CRYBG3: variants seen among roughly 807,000 people sequenced by gnomAD.
CRYBG3 encodes very large A-kinase anchor protein.
CRYBG3 carries 127 observed loss-of-function variants against 244.2 expected under a neutral mutation model. The observed-to-expected ratio is 0.52, with a 90% CI of 0.45 to 0.60. CRYBG3 has a LOEUF of 0.60. Ranked by LOEUF, CRYBG3 falls within the 20% of genes least tolerant of loss-of-function variation. The pLI, the probability that CRYBG3 is intolerant of heterozygous loss-of-function variation, is 0.00. For synonymous variants in CRYBG3, 1,132 were observed against 1,195.8 expected, an observed-to-expected ratio of 0.95 and a Z score of 1.10; for missense variants, 3,325 against 3,442.5, an observed-to-expected ratio of 0.97 and a Z score of 0.85.
In CRYBG3 at chr3:97,944,808, A is replaced by G. The variant is rs1464686728; in HGVS notation, c.*1494A>G. On this transcript the variant is annotated 3_prime_UTR_variant, in exon 22 of 22. Coordinates refer to ENST00000389622, the MANE Select transcript of CRYBG3 (RefSeq NM_153605.4). ...AAAAACCAGTTTAAAATTTTTTCTT[A>G]TTTTAATTGTTTGAAATTTTTCTAG... The G allele has an allele frequency of 6.4e-6, 1 of 156,702 alleles. No individual in the cohort carries two copies. Among genetic ancestry groups the G allele is most frequent in the Non-Finnish European group, 1.4e-5 (1 of 71,080 alleles). 9.7% of individuals were successfully genotyped at this position (156,702 alleles called of 1,614,324 possible).
At chr3:97,838,050 T>G (rs1559713905) in intron 1 of CRYBG3, among the ~76,000 whole-genome samples, 1 of 152,094 alleles carries the variant, frequency 6.6e-6, no homozygotes. Flanking sequence ...GAAGGTGCTT[T>G]CTTACCTCAT....
chr3:97,852,502 A>G (rs1480096826), intron 2 of CRYBG3, among the ~76,000 whole-genome samples: 6 of 152,162 alleles, frequency 3.9e-5, no homozygotes, highest in Non-Finnish European at 4.4e-5. Flanking sequence ...AGTAAAGGAA[A>G]AGAAACAGGG....
chr3:97,908,380 C>A (rs888419010), intron 15 of CRYBG3, among the ~76,000 whole-genome samples: 1 of 152,142 alleles, frequency 6.6e-6, no homozygotes, highest in Non-Finnish European at 1.5e-5. Flanking sequence ...ATGTGGGAGT[C>A]TAAGTCTCTT....
At chr3:97,920,068 C>T (rs1274080993) in intron 17 of CRYBG3, among the ~76,000 whole-genome samples, 2 of 152,118 alleles carry the variant, frequency 1.3e-5, no homozygotes, top group African/African-American at 4.8e-5. Flanking sequence ...CTGCACCGTC[C>T]AGCTGAATTC....
chr3:97,850,652 A>T (rs2038971605), intron 2 of CRYBG3, among the ~76,000 whole-genome samples: 1 of 152,226 alleles, frequency 6.6e-6, no homozygotes, highest in East Asian at 1.9e-4. Flanking sequence ...AATGAAAAGA[A>T]TAACTCTGTG....
chr3:97,943,191 A>G, intron 21 of CRYBG3, 35 bp from the exon 22 acceptor site: 5 of 1,271,244 alleles, frequency 3.9e-6, no homozygotes, highest in Non-Finnish European at 5.7e-6. Flanking sequence ...ACCTGCCTGA[A>G]CAAATAATCT....
intron 2 of CRYBG3, among the ~76,000 whole-genome samples, chr3:97,852,000 A>T (rs2038993225): frequency 6.6e-6 from 1 of 152,326 alleles, no homozygotes; most frequent in East Asian, 1.9e-4. Context: ...TTATAGAAGA[A>T]GGAAGAAAGG....
At chr3:97,827,388 A>G (rs1160179524) in intron 1 of CRYBG3, among the ~76,000 whole-genome samples, 3 of 152,302 alleles carry the variant, frequency 2.0e-5, no homozygotes, top group Non-Finnish European at 4.4e-5. Flanking sequence ...GCTGTTAGAG[A>G]ACAAATCGAA....
At chr3:97,894,112 C>CT (rs2039612621) in intron 11 of CRYBG3, among the ~76,000 whole-genome samples, 1 of 152,086 alleles carries the variant, frequency 6.6e-6, no homozygotes, top group Non-Finnish European at 1.5e-5. Flanking sequence ...GGTTTGTGAA[C>CT]ACACATGTTT....
chr3:97,877,631 C>T lies in CRYBG3; in HGVS notation c.6437C>T (p.Ala2146Val). ...MNFDEDDREA[A>V]DEEEEEEEAA... is the part of the protein sequence containing the mutation. ...TTTGATGAAGATGACAGAGAGGCAGCTGATGAGGAAGAAGAGGAGGAGGAG... is the reference window on the plus strand; with the variant it reads ...TTTGATGAAGATGACAGAGAGGCAGTTGATGAGGAAGAAGAGGAGGAGGAG... The change falls in exon 4 of 22, where the codon GCT becomes GTT. Residue 2146 changes from alanine to valine, a missense_variant. Physicochemically the swap from Ala to Val is moderately conservative, Grantham distance 64. Coordinates refer to ENST00000389622, the MANE Select transcript of CRYBG3 (RefSeq NM_153605.4). 1 of 1,614,014 alleles carries T rather than the reference C, an allele frequency of 6.2e-7. No individual in the cohort carries two copies. The highest frequency in any genetic ancestry group is 1.1e-5 in the South Asian group (1 of 91,068).
chr3:97,853,874 GGTTCTTAGTGATGAACTCTCTGCCTAA>G (rs1020094223), intron 2 of CRYBG3, among the ~76,000 whole-genome samples: 3 of 151,862 alleles, frequency 2.0e-5, no homozygotes, highest in African/African-American at 4.8e-5. Context: ...TTTGCTTTTG[GGTTCTTAGTGATGAACTCTCTGCCTAA>G]GTCAATGTCT....
Position 97,874,744 on chromosome 3 carries a change from A to AGAGC in CRYBG3, c.3551_3554dup (p.His1186SerfsTer3). Reference sequence around the variant, plus strand: ...TGCTGAGCACATAGAAGCCAGGAGAAGAGCACATGACCAACTTTTGGACCT... The same window carrying AGAGC: ...TGCTGAGCACATAGAAGCCAGGAGAAGAGCGAGCACATGACCAACTTTTGGACCT... On this transcript the variant is annotated frameshift_variant, in exon 4 of 22. Coordinates refer to ENST00000389622, the MANE Select transcript of CRYBG3 (RefSeq NM_153605.4). LOFTEE classifies it high-confidence loss of function. The AGAGC allele has an allele frequency of 1.3e-6, 2 of 1,535,964 alleles. No individual in the cohort carries two copies. Among genetic ancestry groups the AGAGC allele is most frequent in the Non-Finnish European group, 1.7e-6 (2 of 1,146,846 alleles).
At chr3:97,910,486 A>G (rs964739026) in intron 15 of CRYBG3, among the ~76,000 whole-genome samples, 4 of 152,206 alleles carry the variant, frequency 2.6e-5, no homozygotes, top group African/African-American at 9.6e-5. Flanking sequence ...AAAGTGCAGT[A>G]TTAGGGTGGG....
At chr3:97,909,120 G>A (rs2039829654) in intron 15 of CRYBG3, among the ~76,000 whole-genome samples, 1 of 152,182 alleles carries the variant, frequency 6.6e-6, no homozygotes, top group African/African-American at 2.4e-5. Context: ...GAGATCCTCT[G>A]TTAGTCTGAT....
intron 16 of CRYBG3, among the ~76,000 whole-genome samples, chr3:97,915,084 C>T (rs1337378565): frequency 6.6e-6 from 1 of 152,140 alleles, no homozygotes; most frequent in East Asian, 1.9e-4. Flanking sequence ...ATTTTTAAAA[C>T]AATCTGTCTT....
At chr3:97,867,004 G>A (rs1310616231) in intron 3 of CRYBG3, 1 of 152,148 alleles carries the variant, frequency 6.6e-6, no homozygotes, top group African/African-American at 2.4e-5. Flanking sequence ...CCTGACAACT[G>A]TCAATATGCC....
rs542060094 is a variant in CRYBG3, at chr3:97,844,335, A to G, written c.216+1074A>G. On this transcript the variant is annotated intron_variant, in intron 2 of 21. Transcript: ENST00000389622. ...ACCCAGCCTGCTGGTTTACCATTGT[A>G]TGGGCTCTATAGCTGCTGCTGATTT... Among the ~76,000 whole-genome samples the G allele has an allele frequency of 4.6e-5, 7 of 152,154 alleles. No individual in the cohort carries two copies. The East Asian group carries it at 7.8e-4, about 17-fold the overall frequency.
rs1473713742 is a variant in CRYBG3, at chr3:97,873,268, G to C, written c.2074G>C (p.Gly692Arg). Residue 692 changes from glycine to arginine, a missense_variant, in exon 4 of 22, where the codon GGT becomes CGT. Around this residue, in one of 4 missense-constraint regions of CRYBG3, gnomAD observed 1,526 missense variants for 1,443.2 expected, o/e 1.06. Transcript: ENST00000389622. ...PIETGNVNIV[G>R]ISYQPRKCKE... ...TGAAACTGGGAATGTCAACATTGTT[G>C]GTATTTCCTATCAGCCTAGGAAGTG... 3 of 1,534,946 alleles carry C rather than the reference G, an allele frequency of 2.0e-6. No individual in the cohort carries two copies. Among genetic ancestry groups the C allele is most frequent in the Non-Finnish European group, 2.6e-6 (3 of 1,146,478 alleles).
rs577073660 is a variant in CRYBG3, at chr3:97,858,358, C to T, written c.217-5859C>T. The stretch of plus-strand genomic sequence containing the variant: ...TTTTGATAGTATGACTATAATGTGC[C>T]TCAGAAAGGACCTTTTGAGGTTGAA... On this transcript the variant is annotated intron_variant, in intron 2 of 21. Coordinates refer to ENST00000389622, the MANE Select transcript of CRYBG3 (RefSeq NM_153605.4). 1.1e-3 allele frequency among the ~76,000 whole-genome samples: 171 copies of T among 151,984 alleles called. 1 individual carries two copies. Among genetic ancestry groups the T allele is most frequent in the African/African-American group, 4.0e-3 (166 of 41,472 alleles).
Sources: allele counts gnomAD v4.1 joint callset (sites outside exome capture counted in the v4.1 genomes callset), GRCh38; gene constraint gnomAD v4.1.1; regional missense constraint gnomAD v4.1.1; transcripts MANE v1.5; gene names NCBI Gene and HGNC (gene_info 2026-07-23, HGNC 2026-07-21).